Variants in ASS1 observed in about 807,000 individuals in gnomAD.
ASS1 encodes argininosuccinate synthase 1.
A neutral mutation model predicts 60.5 loss-of-function variants in ASS1; 58 were observed. The ratio of observed to expected loss-of-function variants is 0.96; its 90% CI spans 0.78 to 1.19. ASS1 has a LOEUF of 1.19. ASS1 is among the 50% of genes most tolerant of loss of function. The pLI, the probability that ASS1 is intolerant of heterozygous loss-of-function variation, is 0.00. For missense variants in ASS1, 454 were observed against 547.3 expected (o/e 0.83, Z 1.70); for synonymous variants, 200 against 206.9 (o/e 0.97, Z 0.29).
At chr9:130,457,793 G>A (rs1845480229) in intron 3 of ASS1, among the ~76,000 whole-genome samples, 1 of 152,180 alleles carries the variant, frequency 6.6e-6, no homozygotes, top group South Asian at 2.1e-4. Flanking sequence ...TGAGATCTTA[G>A]GTGACAACTA....
At chr9:130,486,713 T>C (rs1437136526) in intron 11 of ASS1, among the ~76,000 whole-genome samples, 1 of 152,188 alleles carries the variant, frequency 6.6e-6, no homozygotes, top group African/African-American at 2.4e-5. Flanking sequence ...ATGGGCTCTT[T>C]CACAGCACAC....
At chr9:130,463,977 C>T in intron 4 of ASS1, 134 bp from the exon 5 acceptor site, 2 of 905,222 alleles carry the variant, frequency 2.2e-6, no homozygotes, top group Non-Finnish European at 3.6e-6. Flanking sequence ...ACGACCTACA[C>T]TGCATGACCT....
intron 1 of ASS1, among the ~76,000 whole-genome samples, chr9:130,449,190 G>A (rs1382844244): frequency 6.6e-6 from 1 of 152,068 alleles, no homozygotes; most frequent in East Asian, 1.9e-4. Flanking sequence ...AATTAGGCAG[G>A]TGTGGTGGCA....
chr9:130,456,204 G>A (rs553810819), intron 3 of ASS1, among the ~76,000 whole-genome samples: 4 of 152,294 alleles, frequency 2.6e-5, no homozygotes, highest in South Asian at 4.1e-4. Context: ...AGTGGCTCAC[G>A]CCTGTAATCC....
At chr9:130,496,321 T>G (rs920337492) in intron 13 of ASS1, among the ~76,000 whole-genome samples, 2 of 151,764 alleles carry the variant, frequency 1.3e-5, no homozygotes, top group African/African-American at 4.8e-5. Context: ...CTTGGGAGGC[T>G]GAGGTGGGAG....
At chr9:130,457,975 A>G (rs1416899747) in intron 3 of ASS1, among the ~76,000 whole-genome samples, 1 of 152,118 alleles carries the variant, frequency 6.6e-6, no homozygotes, top group Non-Finnish European at 1.5e-5. Flanking sequence ...CCTGGCCAAC[A>G]TGGTGAAACC....
chr9:130,458,689 G>A (rs1845510559), intron 4 of ASS1, 100 bp downstream of exon 4: 1 of 1,478,700 alleles, frequency 6.8e-7, no homozygotes, highest in East Asian at 2.5e-5. Flanking sequence ...TGCCTCCGGG[G>A]CAGACTTGGT....
chr9:130,496,965 A>G (rs1338329363), intron 13 of ASS1, among the ~76,000 whole-genome samples: 1 of 152,248 alleles, frequency 6.6e-6, no homozygotes, highest in Non-Finnish European at 1.5e-5. Flanking sequence ...TTGGCAGTCA[A>G]TATTATTTTT....
Position 130,459,704 on chromosome 9 carries a change from G to A in ASS1, c.363+1115G>A, listed in dbSNP as rs534643464. On this transcript the variant is annotated intron_variant, in intron 4 of 14. Coordinates refer to ENST00000352480, the MANE Select transcript of ASS1 (RefSeq NM_054012.4). This position sits in a 1 kb window ranked among gnomAD's most constrained non-coding sequence, Gnocchi z 4.6. The stretch of plus-strand genomic sequence containing the variant: ...CCAGCCTTGGCCTCCCAAAGCACTG[G>A]GATTACAGGCGTGGGCCACCATGCC... Among the ~76,000 whole-genome samples, 1 of 152,200 alleles carries A rather than the reference G, an allele frequency of 6.6e-6. No homozygotes were observed. The highest frequency in any genetic ancestry group is 2.1e-4 in the South Asian group (1 of 4,832).
chr9:130,487,561 C>G (rs1446484291), intron 11 of ASS1, among the ~76,000 whole-genome samples: 1 of 143,436 alleles, frequency 7.0e-6, no homozygotes, highest in Non-Finnish European at 1.5e-5. Flanking sequence ...TTTTGCAAAG[C>G]TGAGACTCTG....
intron 1 of ASS1, 143 bp from the exon 2 acceptor site, chr9:130,452,081 C>T: frequency 1.3e-6 from 1 of 747,874 alleles, no homozygotes. Flanking sequence ...TGAAGGTGAA[C>T]ATCCTGTTCC....
intron 8 of ASS1, among the ~76,000 whole-genome samples, chr9:130,475,609 G>A (rs1437543217): frequency 1.3e-5 from 2 of 152,222 alleles, no homozygotes; most frequent in African/African-American, 2.4e-5. Context: ...CACAGTTGTA[G>A]CTCCAGTCCC....
rs1445119052 is a variant in ASS1, at chr9:130,491,909, A to G, written c.970+2445A>G. On this transcript the variant is annotated intron_variant, in intron 12 of 14. Transcript: ENST00000352480. This position sits in a 1 kb window ranked among gnomAD's most constrained non-coding sequence, Gnocchi z 5.3. ...GGCCTCGGGCAGCAGGCTGACCCCC[A>G]CAGCTCAGAGGGCCTGTTTGATGCG... Among the ~76,000 whole-genome samples, 1 of 152,248 alleles carries G rather than the reference A, an allele frequency of 6.6e-6. No individual in the cohort carries two copies. The highest frequency in any genetic ancestry group is 2.1e-4 in the South Asian group (1 of 4,824).
rs142843331 is a variant in ASS1, at chr9:130,449,800, A to G, written c.-5-2424A>G. Among the ~76,000 whole-genome samples the G allele has an allele frequency of 3.4e-4, 51 of 152,212 alleles. 3 individuals carry two copies. In the East Asian group the frequency reaches 9.1e-3, roughly 27 times the overall value. ...TTCCCTTGATTGTGGTGTTGATGTC[A>G]CGGGCGCATCCGCACGCCGAAACTT... On this transcript the variant is annotated intron_variant, in intron 1 of 14. Transcript: ENST00000352480.
intron 11 of ASS1, among the ~76,000 whole-genome samples, chr9:130,487,445 C>A (rs960152279): frequency 1.3e-5 from 2 of 150,386 alleles, no homozygotes; most frequent in Non-Finnish European, 3.0e-5. Flanking sequence ...ATACATGTAA[C>A]ATAAAATGAA....
At position 130,476,754 on chromosome 9, in the gene ASS1, C is replaced by T. The variant is rs1160656516; in HGVS notation, c.598-117C>T. On this transcript the variant is annotated intron_variant, in intron 8 of 14. Transcript: ENST00000352480. The surrounding 1 kb of genome is among the most constrained non-coding windows in gnomAD (Gnocchi z 4.9). The stretch of plus-strand genomic sequence containing the variant: ...TGGGGACCGGGGGATCTGCCGGACC[C>T]CACCAGCTGGTGGGGAAATGGACAG... 2 of 1,028,000 alleles carry T rather than the reference C, an allele frequency of 1.9e-6. No individual in the cohort carries two copies. The highest frequency in any genetic ancestry group is 1.6e-5 in the African/African-American group (1 of 63,330). The allele number at this position is 1,028,000 out of a possible 1,614,324, so 63.7% of individuals were successfully genotyped here.
intron 1 of ASS1, among the ~76,000 whole-genome samples, chr9:130,448,881 A>T (rs1390021989): frequency 6.6e-6 from 1 of 151,916 alleles, no homozygotes; most frequent in African/African-American, 2.4e-5. Flanking sequence ...CATGTGTAGG[A>T]CTCCACAGCT....
intron 1 of ASS1, 134 bp downstream of exon 1, chr9:130,445,129 C>A: frequency 3.0e-6 from 3 of 984,810 alleles, no homozygotes; most frequent in Non-Finnish European, 3.6e-6. Flanking sequence ...GATCGCCACT[C>A]GCCGGGGACT....
At position 130,489,428 on chromosome 9, in the gene ASS1, G is replaced by A; in HGVS notation, c.934G>A (p.Gly312Ser). ...CCGGGAAGTGCGCAAAATCAAACAAGGCCTGGGCTTGAAATTTGCTGAGCT... is the reference window on the plus strand; with the variant it reads ...CCGGGAAGTGCGCAAAATCAAACAAAGCCTGGGCTTGAAATTTGCTGAGCT... ...MDREVRKIKQ[G>S]LGLKFAELVY... Residue 312 changes from glycine to serine, a missense_variant, in exon 12 of 15, where the codon GGC becomes AGC. Transcript: ENST00000352480. The surrounding 1 kb of genome is among the most constrained non-coding windows in gnomAD (Gnocchi z 4.1). 4.3e-6 allele frequency: 7 copies of A among 1,614,096 alleles called. No homozygotes were observed. The highest frequency in any genetic ancestry group is 5.9e-6 in the Non-Finnish European group (7 of 1,180,028).
Sources: gnomAD v4.1 joint callset for allele counts (sites outside exome capture counted in the v4.1 genomes callset) on GRCh38, gnomAD v4.1.1 for gene constraint, Gnocchi (gnomAD v3.1) non-coding constraint, MANE v1.5 for transcripts, NCBI Gene and HGNC (gene_info 2026-07-23, HGNC 2026-07-21) for gene names.